DCAF6: variants seen among roughly 807,000 people sequenced by gnomAD.
DCAF6 encodes DDB1- and CUL4-associated factor 6.
Under a neutral mutation model 125.1 loss-of-function variants are expected in DCAF6, and 54 were observed. That is an observed-to-expected ratio of 0.43 (90% CI 0.35 to 0.54). DCAF6 has a LOEUF of 0.54. DCAF6 is among the 20% of genes least tolerant of loss of function. The probability of loss-of-function intolerance (pLI) is 0.01; values close to 1 mark genes in which losing one functional copy is unlikely to be tolerated. For missense variants in DCAF6, 934 were observed against 1,161.7 expected, an observed-to-expected ratio of 0.80 and a Z score of 2.85; for synonymous variants, 371 against 390.4, an observed-to-expected ratio of 0.95 and a Z score of 0.58.
chr1:167,926,706 G>A, the DCAF6 span, among the ~76,000 whole-genome samples: 429 of 152,260 alleles, frequency 2.8e-3, 1 homozygote, highest in African/African-American at 9.7e-3. Context: ...CAGGACAGCC[G>A]CTCCCAGAAA....
At chr1:168,052,779 C>G (rs1690110142) in intron 17 of DCAF6, among the ~76,000 whole-genome samples, 1 of 152,186 alleles carries the variant, frequency 6.6e-6, no homozygotes, top group African/African-American at 2.4e-5. Flanking sequence ...TAGTCATCCC[C>G]TATTCTTCAT....
chr1:168,016,586 CT>C (rs1685006144), intron 11 of DCAF6, among the ~76,000 whole-genome samples: 1 of 152,046 alleles, frequency 6.6e-6, no homozygotes, highest in African/African-American at 2.4e-5. Flanking sequence ...AATTGTCACT[CT>C]TTTTTTCTCA....
rs761545752 is a variant in DCAF6, at chr1:167,966,740, T to C, written c.252+19T>C. On this transcript the variant is annotated intron_variant, in intron 3 of 21. Transcript: ENST00000367840. ...CAGAAAGGTAAAGTAGTTTAAAAAA[T>C]CTGTAATTTAATGAGAGAAAAAAAA... 3.5e-6 allele frequency: 5 copies of C among 1,446,668 alleles called. No individual in the cohort carries two copies. The highest frequency in any genetic ancestry group is 1.7e-4 in the Middle Eastern group (1 of 5,724). 89.6% of individuals were successfully genotyped at this position (1,446,668 alleles called of 1,614,324 possible). A position where few individuals can be genotyped will look rare whatever the true frequency, so the allele number is the denominator to read the frequency against.
At chr1:167,865,047 C>T in the DCAF6 span, among the ~76,000 whole-genome samples, 5 of 151,766 alleles carry the variant, frequency 3.3e-5, no homozygotes, top group South Asian at 2.1e-4. Flanking sequence ...GAATTATCTG[C>T]GAAAGTCATA....
At chr1:167,903,303 C>T in the DCAF6 span, among the ~76,000 whole-genome samples, 2 of 150,762 alleles carry the variant, frequency 1.3e-5, no homozygotes, top group South Asian at 4.2e-4. Flanking sequence ...CTGGCTCTCA[C>T]CTGTAATCCC....
chr1:168,013,305 T>C (rs1206657650), intron 10 of DCAF6, among the ~76,000 whole-genome samples: 3 of 152,184 alleles, frequency 2.0e-5, no homozygotes, highest in Non-Finnish European at 2.9e-5. Context: ...ACCAATTGGG[T>C]AATTGAATAA....
At chr1:167,885,511 T>C in the DCAF6 span, among the ~76,000 whole-genome samples, 1 of 152,272 alleles carries the variant, frequency 6.6e-6, no homozygotes, top group African/African-American at 2.4e-5. Context: ...AATCTTATTG[T>C]AGTTTTGATT....
chr1:167,953,094 A>G, intron 2 of DCAF6, among the ~76,000 whole-genome samples: 1 of 152,228 alleles, frequency 6.6e-6, no homozygotes, highest in South Asian at 2.1e-4. Context: ...AGGTAATTTA[A>G]TAATATTGAC....
In DCAF6 at chr1:168,066,384, C is replaced by G; in HGVS notation, c.2604C>G (p.Ala868=). 1 of 1,594,340 alleles carries G rather than the reference C, an allele frequency of 6.3e-7. No individual in the cohort carries two copies. The highest frequency in any genetic ancestry group is 8.5e-7 in the Non-Finnish European group (1 of 1,169,768). Residue 868 remains alanine (A), a synonymous_variant, in exon 20 of 22, where the codon GCC becomes GCG. Transcript: ENST00000367840. ...TATAAATTTTATTTCTAGTTTTAGC[C>G]TCATCTGGCATAGATTATGACATAA... The part of the protein sequence containing the change: ...LQPHPFDPIL[A]SSGIDYDIKI...
At position 167,976,886 on chromosome 1, in the gene DCAF6, G is replaced by GTTTTTTTT. The variant is rs397981860; in HGVS notation, c.438+1898_438+1905dup. Among the ~76,000 whole-genome samples, 30 of 38,066 alleles carry GTTTTTTTT rather than the reference G, an allele frequency of 7.9e-4. 5 individuals carry two copies. Among genetic ancestry groups the GTTTTTTTT allele is most frequent in the East Asian group, 9.8e-4 (1 of 1,022 alleles). 25.0% of individuals were successfully genotyped at this position (38,066 alleles called of 152,430 possible). A position where few individuals can be genotyped will look rare whatever the true frequency, so the allele number is the denominator to read the frequency against. The stretch of plus-strand genomic sequence containing the variant: ...TGTACTGAAGGTACATCCTTTAGCA[G>GTTTTTTTT]TTTTTTTTTTTTTTTTTTTTTTTTT... On this transcript the variant is annotated intron_variant, in intron 4 of 21. Coordinates refer to ENST00000367840, the MANE Select transcript of DCAF6 (RefSeq NM_001198956.2).
At chr1:167,904,030 G>T in the DCAF6 span, 1 of 1,450,990 alleles carries the variant, frequency 6.9e-7, no homozygotes. Flanking sequence ...GGCTGCTTGG[G>T]GGAATCAAAC....
intron 18 of DCAF6, among the ~76,000 whole-genome samples, chr1:168,064,122 T>A (rs1692018483): frequency 6.7e-6 from 1 of 150,298 alleles, no homozygotes; most frequent in South Asian, 2.1e-4. Context: ...CATTCTTTGT[T>A]AGTTTTGGAG....
chr1:167,870,481 A>C, the DCAF6 span: 1 of 1,331,226 alleles, frequency 7.5e-7, no homozygotes, highest in Non-Finnish European at 1.0e-6. Flanking sequence ...AAAAAGTCAC[A>C]TAGAAACCCT....
intron 21 of DCAF6, among the ~76,000 whole-genome samples, chr1:168,072,185 T>G (rs1416445613): frequency 6.7e-6 from 1 of 149,302 alleles, no homozygotes; most frequent in Non-Finnish European, 1.5e-5. Context: ...TAGTCCCAGC[T>G]ACTTGGGAGG....
At chr1:167,928,051 G>GT in the DCAF6 span, among the ~76,000 whole-genome samples, 47 of 151,900 alleles carry the variant, frequency 3.1e-4, no homozygotes, top group African/African-American at 9.4e-4. Flanking sequence ...TTTCTTAACT[G>GT]TTAAAAAAAA....
At chr1:167,874,215 C>T in the DCAF6 span, among the ~76,000 whole-genome samples, 2 of 152,116 alleles carry the variant, frequency 1.3e-5, no homozygotes, top group Admixed American at 1.3e-4. Flanking sequence ...CCTGTAATCC[C>T]AGCTACTCAG....
At chr1:167,864,048 C>T in the DCAF6 span, among the ~76,000 whole-genome samples, 1 of 152,176 alleles carries the variant, frequency 6.6e-6, no homozygotes, top group Non-Finnish European at 1.5e-5. Flanking sequence ...CCTGTTCCGG[C>T]ACTTTGGTTT....
intron 2 of DCAF6, among the ~76,000 whole-genome samples, chr1:167,952,556 C>G (rs1385796983): frequency 6.6e-6 from 1 of 152,064 alleles, no homozygotes; most frequent in African/African-American, 2.4e-5. Context: ...TTGGCTTTTG[C>G]TAACACCATA....
At chr1:167,937,169 C>T in intron 1 of DCAF6, 161 bp downstream of exon 1, 4 of 639,878 alleles carry the variant, frequency 6.3e-6, no homozygotes, top group Non-Finnish European at 5.6e-6. Context: ...CGTGCCGGTG[C>T]CTCCCCCAGT....
Sources: allele counts gnomAD v4.1 joint callset (sites outside exome capture counted in the v4.1 genomes callset), GRCh38; gene constraint gnomAD v4.1.1; transcripts MANE v1.5; gene names NCBI Gene and HGNC (gene_info 2026-07-23, HGNC 2026-07-21).